CPED1: variants seen among roughly 807,000 people sequenced by gnomAD.
The protein encoded by CPED1 is cadherin like and PC-esterase domain containing 1.
Under a neutral mutation model 128.2 loss-of-function variants are expected in CPED1, and 114 were observed. That is an observed-to-expected ratio of 0.89 (90% CI 0.76 to 1.04). The LOEUF is 1.04. Among genes scored for constraint, CPED1 ranks in the 50% least tolerant of loss-of-function variants. The pLI is 0.00. For missense variants in CPED1, 1,211 were observed against 1,207.1 expected, an observed-to-expected ratio of 1.00 and a Z score of -0.05; for synonymous variants, 462 against 426.7, an observed-to-expected ratio of 1.08 and a Z score of -1.02.
At chr7:121,140,540 C>T (rs1481755375) in intron 14 of CPED1, among the ~76,000 whole-genome samples, 1 of 151,890 alleles carries the variant, frequency 6.6e-6, no homozygotes, top group African/African-American at 2.4e-5. Flanking sequence ...AGACATTTTC[C>T]CGCCTTGTGT....
At chr7:121,252,800 A>G (rs1798710031) in intron 18 of CPED1, among the ~76,000 whole-genome samples, 1 of 152,202 alleles carries the variant, frequency 6.6e-6, no homozygotes, top group Admixed American at 6.5e-5. Flanking sequence ...TGATCATTAA[A>G]AACTCAGGAA....
At chr7:121,211,042 C>CA (rs1178242526) in intron 16 of CPED1, among the ~76,000 whole-genome samples, 6 of 151,828 alleles carry the variant, frequency 4.0e-5, no homozygotes, top group Admixed American at 6.6e-5. Flanking sequence ...TGCTAACTTC[C>CA]AAAAAAACTG....
intron 2 of CPED1, among the ~76,000 whole-genome samples, chr7:121,000,796 G>A (rs1045967222): frequency 4.6e-5 from 7 of 152,158 alleles, no homozygotes; most frequent in African/African-American, 1.4e-4. Flanking sequence ...TGTGAAATAC[G>A]TTGGTCCAAA....
intron 22 of CPED1, among the ~76,000 whole-genome samples, chr7:121,278,457 C>A (rs975181239): frequency 2.0e-5 from 3 of 152,144 alleles, no homozygotes; most frequent in Admixed American, 6.5e-5. Context: ...TACCCCCCAC[C>A]AGGAGAATGT....
intron 5 of CPED1, among the ~76,000 whole-genome samples, chr7:121,065,992 A>G (rs1484107817): frequency 1.3e-5 from 2 of 152,126 alleles, no homozygotes; most frequent in East Asian, 1.9e-4. Flanking sequence ...AAGTTTTATA[A>G]AGCGTAGCTT....
At chr7:121,008,748 C>G (rs572623523) in intron 2 of CPED1, among the ~76,000 whole-genome samples, 4 of 152,264 alleles carry the variant, frequency 2.6e-5, no homozygotes, top group Admixed American at 1.3e-4. Context: ...GTTTATTGCT[C>G]TTCTTGCAAA....
At chr7:121,206,684 A>G (rs183529559) in intron 16 of CPED1, among the ~76,000 whole-genome samples, 2 of 152,082 alleles carry the variant, frequency 1.3e-5, no homozygotes, top group Admixed American at 1.3e-4. Flanking sequence ...TTTACTTACA[A>G]TATTATGAAT....
At chr7:121,148,057 A>G (rs896936332) in intron 16 of CPED1, among the ~76,000 whole-genome samples, 8 of 152,154 alleles carry the variant, frequency 5.3e-5, no homozygotes, top group African/African-American at 1.9e-4. Flanking sequence ...TAGGGAGTGC[A>G]TTTATCAGTA....
chr7:121,138,017 A>C (rs1161571911), intron 14 of CPED1, among the ~76,000 whole-genome samples: 1 of 152,000 alleles, frequency 6.6e-6, no homozygotes, highest in East Asian at 1.9e-4. Flanking sequence ...TTAGATAGGC[A>C]CTTTAACTTC....
intron 16 of CPED1, among the ~76,000 whole-genome samples, chr7:121,145,748 CA>C (rs35836037): frequency 0.99 from 149,968 of 151,926 alleles, 74,049 homozygotes; most frequent in East Asian, 1. Flanking sequence ...AGATATACAT[CA>C]ATGAGATTTA....
chr7:121,199,920 TA>T (rs1797357413), intron 16 of CPED1, among the ~76,000 whole-genome samples: 1 of 152,046 alleles, frequency 6.6e-6, no homozygotes, highest in South Asian at 2.1e-4. Flanking sequence ...ATAATCAGTA[TA>T]AAAATTACTA....
Position 121,233,856 on chromosome 7 carries a change from T to TAG in CPED1, c.2056-2855_2056-2854dup, listed in dbSNP as rs1299746344. Among the ~76,000 whole-genome samples the TAG allele has an allele frequency of 2.6e-5, 4 of 152,186 alleles. No homozygotes were observed. In the Middle Eastern group the frequency reaches 0.01, roughly 388 times the overall value. ...AGTTTGTTTTTCATAGTAAAAAGTG[T>TAG]AGAGGTAGCTCCACAGCATCACCAA... On this transcript the variant is annotated intron_variant, in intron 16 of 22. Coordinates refer to ENST00000310396, the MANE Select transcript of CPED1 (RefSeq NM_024913.5).
At chr7:121,048,448 G>A (rs1202000296) in intron 4 of CPED1, among the ~76,000 whole-genome samples, 8 of 152,140 alleles carry the variant, frequency 5.3e-5, no homozygotes, top group African/African-American at 1.9e-4. Flanking sequence ...TCACCCTTGA[G>A]CCCTTCCTTC....
chr7:121,105,969 A>G (rs1794965816), intron 7 of CPED1, among the ~76,000 whole-genome samples: 3 of 152,160 alleles, frequency 2.0e-5, no homozygotes, highest in African/African-American at 7.2e-5. Context: ...CCAAAATGAT[A>G]ACTTAAGCAG....
chr7:121,180,130 C>T (rs1456065716), intron 16 of CPED1, among the ~76,000 whole-genome samples: 2 of 152,036 alleles, frequency 1.3e-5, no homozygotes, highest in Non-Finnish European at 2.9e-5. Context: ...TCCCAAAGAC[C>T]AGATGATAGG....
At chr7:121,180,995 G>T (rs1044703856) in intron 16 of CPED1, among the ~76,000 whole-genome samples, 1 of 151,932 alleles carries the variant, frequency 6.6e-6, no homozygotes, top group African/African-American at 2.4e-5. Context: ...TGGACTTGAG[G>T]CTTTTTCACA....
At chr7:121,037,320 G>C (rs1055910812) in intron 3 of CPED1, among the ~76,000 whole-genome samples, 1 of 152,146 alleles carries the variant, frequency 6.6e-6, no homozygotes, top group Non-Finnish European at 1.5e-5. Context: ...TTTGTATAAG[G>C]TGAGAGATGA....
chr7:121,173,110 T>A (rs888825076), intron 16 of CPED1, among the ~76,000 whole-genome samples: 7 of 152,178 alleles, frequency 4.6e-5, no homozygotes, highest in Admixed American at 3.3e-4. Context: ...GAACTGGCAG[T>A]TCTTCAGTAG....
intron 14 of CPED1, among the ~76,000 whole-genome samples, chr7:121,137,366 T>C (rs1054312826): frequency 1.3e-5 from 2 of 151,834 alleles, no homozygotes; most frequent in African/African-American, 2.4e-5. Context: ...AGAAAGGAGG[T>C]CTTGCTACAT....
Sources: gnomAD v4.1 joint callset for allele counts (sites outside exome capture counted in the v4.1 genomes callset) on GRCh38, gnomAD v4.1.1 for gene constraint, MANE v1.5 for transcripts, NCBI Gene and HGNC (gene_info 2026-07-23, HGNC 2026-07-21) for gene names.